GALK2: variants seen among roughly 807,000 people sequenced by gnomAD.
The protein encoded by GALK2 is N-acetylgalactosamine kinase.
A neutral mutation model predicts 52.4 loss-of-function variants in GALK2; 36 were observed. The observed-to-expected ratio is 0.69, with a 90% CI of 0.53 to 0.91. The LOEUF (loss-of-function observed/expected upper bound fraction) is 0.91. Among genes scored for constraint, GALK2 ranks in the 40% least tolerant of loss-of-function variants. GALK2 has a pLI of 0.00. For synonymous variants in GALK2, 176 were observed against 199.1 expected (o/e 0.88, Z 0.98); for missense variants, 579 against 559.1 (o/e 1.04, Z -0.36).
chr15:49,216,581 C>T (rs926525607), intron 2 of GALK2, among the ~76,000 whole-genome samples: 2 of 152,204 alleles, frequency 1.3e-5, no homozygotes, highest in Admixed American at 6.5e-5. Flanking sequence ...AGGGCTTGCC[C>T]GAGGACTGCA....
intron 5 of GALK2, among the ~76,000 whole-genome samples, chr15:49,280,529 C>T (rs2032534152): frequency 6.6e-6 from 1 of 152,054 alleles, no homozygotes; most frequent in Non-Finnish European, 1.5e-5. Context: ...GAGAAGTGCA[C>T]TAGGGTTAAG....
At chr15:49,259,713 A>G (rs971751384) in intron 5 of GALK2, among the ~76,000 whole-genome samples, 49 of 145,452 alleles carry the variant, frequency 3.4e-4, no homozygotes, top group Non-Finnish European at 5.6e-4. Context: ...ATATCTCCCA[A>G]TGCTATCCCT....
chr15:49,221,633 C>G (rs751495780), intron 3 of GALK2, among the ~76,000 whole-genome samples: 1 of 151,744 alleles, frequency 6.6e-6, no homozygotes, highest in Admixed American at 6.6e-5. Context: ...TGACACTGCA[C>G]TCCAGCCTGG....
intron 8 of GALK2, among the ~76,000 whole-genome samples, chr15:49,304,611 A>C (rs953774985): frequency 5.3e-5 from 8 of 152,216 alleles, no homozygotes; most frequent in African/African-American, 1.7e-4. Context: ...AGTGAGGGTG[A>C]GGTAGTACAG....
intron 7 of GALK2, among the ~76,000 whole-genome samples, chr15:49,289,483 C>A (rs999657845): frequency 6.6e-6 from 1 of 152,180 alleles, no homozygotes; most frequent in Admixed American, 6.5e-5. Flanking sequence ...GAGTCTCAGA[C>A]CAAGAACAGA....
At chr15:49,351,671 C>A (rs1346224711) in intron 3 of GALK2, among the ~76,000 whole-genome samples, 1 of 152,116 alleles carries the variant, frequency 6.6e-6, no homozygotes, top group Non-Finnish European at 1.5e-5. Flanking sequence ...GGAATCAATA[C>A]CTGTGGTTTC....
chr15:49,363,100 G>A (rs1365875228), intron 3 of GALK2, among the ~76,000 whole-genome samples: 2 of 151,960 alleles, frequency 1.3e-5, no homozygotes, highest in African/African-American at 4.8e-5. Context: ...TGTCTTGGCT[G>A]TTCAAGCTCT....
intron 1 of GALK2, among the ~76,000 whole-genome samples, chr15:49,171,857 C>T (rs1350513439): frequency 1.3e-5 from 2 of 151,856 alleles, no homozygotes; most frequent in African/African-American, 2.4e-5. Context: ...CTGCAACCTC[C>T]ACCTCCCAGG....
At chr15:49,244,863 A>G (rs1226865497) in intron 5 of GALK2, among the ~76,000 whole-genome samples, 2 of 152,192 alleles carry the variant, frequency 1.3e-5, no homozygotes, top group Non-Finnish European at 2.9e-5. Context: ...AAAAAGCCAA[A>G]AAAACTGGTT....
chr15:49,273,580 A>G (rs2031123279), intron 5 of GALK2, among the ~76,000 whole-genome samples: 1 of 150,984 alleles, frequency 6.6e-6, no homozygotes, highest in African/African-American at 2.4e-5. Flanking sequence ...TTTCCCTTAC[A>G]AAGTGTCTGT....
At position 49,239,343 on chromosome 15, in the gene GALK2, A is replaced by C; in HGVS notation, c.480A>C (p.Thr160=). 4 of 1,614,090 alleles carry C rather than the reference A, an allele frequency of 2.5e-6. No individual in the cohort carries two copies. The highest frequency in any genetic ancestry group is 3.4e-6 in the Non-Finnish European group (4 of 1,179,984). The change falls in exon 5 of 10, where the codon ACA becomes ACC. Residue 160 remains threonine (T), a synonymous_variant. Coordinates refer to ENST00000560031, the MANE Select transcript of GALK2 (RefSeq NM_002044.4). ...GTTGTGCTGGCTTGGTGACGCTCAC[A>C]GTGCTGGGAAGGAATCTATCCAAGG... ...LVCCAGLVTL[T]VLGRNLSKVE... is the part of the protein sequence containing the mutation.
At position 49,304,897 on chromosome 15, in the gene GALK2, C is replaced by T. The variant is rs1281385156; in HGVS notation, c.967+12360C>T. Among the ~76,000 whole-genome samples, 3 of 152,310 alleles carry T rather than the reference C, an allele frequency of 2.0e-5. No homozygotes were observed. The East Asian group carries it at 5.8e-4, about 29-fold the overall frequency. On this transcript the variant is annotated intron_variant, in intron 8 of 9. Transcript: ENST00000560031. ...ATGTTACACATTTCTCTCATACTGG[C>T]ATTTTATCTGCACATGATCTGGTGA...
chr15:49,274,648 T>A (rs558261135), intron 5 of GALK2, among the ~76,000 whole-genome samples: 7 of 152,338 alleles, frequency 4.6e-5, no homozygotes, highest in South Asian at 2.1e-4. Flanking sequence ...TTAAAAAAAA[T>A]TTTTGACTCT....
intron 5 of GALK2, among the ~76,000 whole-genome samples, chr15:49,266,743 G>A (rs1325849993): frequency 6.6e-6 from 1 of 152,194 alleles, no homozygotes; most frequent in Admixed American, 6.5e-5. Flanking sequence ...AAAGCATTTT[G>A]TTGGGTGGAT....
At chr15:49,220,223 C>T (rs756745685) in intron 3 of GALK2, among the ~76,000 whole-genome samples, 2 of 151,898 alleles carry the variant, frequency 1.3e-5, no homozygotes, top group African/African-American at 2.4e-5. Flanking sequence ...TCTATCTAAC[C>T]GTATGTTTTT....
chr15:49,307,435 G>A (rs1409025339), intron 8 of GALK2, among the ~76,000 whole-genome samples: 1 of 152,174 alleles, frequency 6.6e-6, no homozygotes, highest in Non-Finnish European at 1.5e-5. Flanking sequence ...GTTATGGTAT[G>A]TATGAGCAGG....
chr15:49,310,182 C>G (rs2035877049), intron 8 of GALK2, among the ~76,000 whole-genome samples: 1 of 152,100 alleles, frequency 6.6e-6, no homozygotes, highest in Admixed American at 6.5e-5. Context: ...ATAATGCCTT[C>G]TAGGTTTATC....
intron 9 of GALK2, 178 bp from the exon 10 acceptor site, chr15:49,327,774 C>A: frequency 1.9e-6 from 1 of 523,200 alleles, no homozygotes; most frequent in Admixed American, 3.7e-5. Flanking sequence ...GAAAAAATTC[C>A]AAATCACTCT....
chr15:49,340,281 C>T (rs1022096509), intron 3 of GALK2, among the ~76,000 whole-genome samples: 1 of 152,118 alleles, frequency 6.6e-6, no homozygotes, highest in Non-Finnish European at 1.5e-5. Context: ...CTGCAGGTTG[C>T]GAAGACCATG....
Sources: allele counts gnomAD v4.1 joint callset (sites outside exome capture counted in the v4.1 genomes callset), GRCh38; gene constraint gnomAD v4.1.1; transcripts MANE v1.5; gene names NCBI Gene and HGNC (gene_info 2026-07-23, HGNC 2026-07-21).